The following B4GALT5 variants were observed in gnomAD, a reference collection of about 807,000 sequenced individuals.
The protein encoded by B4GALT5 is beta-1,4-galactosyltransferase 5.
Under a neutral mutation model 45.0 loss-of-function variants are expected in B4GALT5, and 11 were observed. The ratio of observed to expected loss-of-function variants is 0.24; its 90% CI spans 0.15 to 0.40. The LOEUF (loss-of-function observed/expected upper bound fraction) is 0.40. B4GALT5 is among the 10% of genes least tolerant of loss of function. The pLI, the probability that B4GALT5 is intolerant of heterozygous loss-of-function variation, is 1.00. For synonymous variants in B4GALT5, 185 were observed against 182.9 expected (o/e 1.01, Z -0.09); for missense variants, 337 against 500.2 (o/e 0.67, Z 3.11).
intron 1 of B4GALT5, among the ~76,000 whole-genome samples, chr20:49,701,672 C>T (rs2085862649): frequency 6.6e-6 from 1 of 152,108 alleles, no homozygotes; most frequent in South Asian, 2.1e-4. Context: ...ACAAAAAAAA[C>T]ACCCACAATA....
At chr20:49,651,881 C>A (rs1364292151) in intron 2 of B4GALT5, among the ~76,000 whole-genome samples, 1 of 152,130 alleles carries the variant, frequency 6.6e-6, no homozygotes, top group African/African-American at 2.4e-5. Flanking sequence ...GAGTTTCAGA[C>A]CAGCCTGGGC....
intron 1 of B4GALT5, among the ~76,000 whole-genome samples, chr20:49,660,107 TCTTCATCATCACAA>T (rs1288204513): frequency 3.3e-5 from 5 of 152,264 alleles, no homozygotes; most frequent in Middle Eastern, 6.8e-3. Context: ...CAACTTCACA[TCTTCATCATCACAA>T]CTTCATCATC....
At position 49,636,128 on chromosome 20, in the gene B4GALT5, A is replaced by T; in HGVS notation, c.*184T>A. On this transcript the variant is annotated 3_prime_UTR_variant, in exon 9 of 9. Coordinates refer to ENST00000371711, the MANE Select transcript of B4GALT5 (RefSeq NM_004776.4). ...TCCCCAAGCTCACTCCCTCAGTTCC[A>T]GCGGCTGATCCAGTGAAGGCGTTTG... 2 of 721,404 alleles carry T rather than the reference A, an allele frequency of 2.8e-6. No homozygotes were observed. Among genetic ancestry groups the T allele is most frequent in the Non-Finnish European group, 4.5e-6 (2 of 448,760 alleles). 44.7% of individuals were successfully genotyped at this position (721,404 alleles called of 1,614,324 possible). A position where few individuals can be genotyped will look rare whatever the true frequency, so the allele number is the denominator to read the frequency against.
intron 1 of B4GALT5, among the ~76,000 whole-genome samples, chr20:49,705,501 A>C (rs984160593): frequency 1.3e-5 from 2 of 152,156 alleles, no homozygotes; most frequent in African/African-American, 4.8e-5. Flanking sequence ...AAGCAATGGC[A>C]CTGCACAGTG....
chr20:49,703,399 A>G (rs2085870908), intron 1 of B4GALT5, among the ~76,000 whole-genome samples: 1 of 152,132 alleles, frequency 6.6e-6, no homozygotes, highest in East Asian at 1.9e-4. Context: ...AACGACCAAG[A>G]GGCTGGTCTG....
At chr20:49,668,250 A>G (rs1353790205) in intron 1 of B4GALT5, among the ~76,000 whole-genome samples, 1 of 152,158 alleles carries the variant, frequency 6.6e-6, no homozygotes, top group Non-Finnish European at 1.5e-5. Flanking sequence ...AGTGGTAAAA[A>G]TTAACAGCTA....
At chr20:49,638,193 T>A (rs1374598564) in intron 7 of B4GALT5, among the ~76,000 whole-genome samples, 2 of 152,120 alleles carry the variant, frequency 1.3e-5, no homozygotes, top group South Asian at 2.1e-4. Context: ...TAATTTTTTT[T>A]ATTTTTTGTA....
chr20:49,710,593 T>C (rs1436872556), intron 1 of B4GALT5, among the ~76,000 whole-genome samples: 2 of 152,036 alleles, frequency 1.3e-5, no homozygotes, highest in Non-Finnish European at 2.9e-5. Context: ...CTAATTTTTG[T>C]ATTTTTAGTA....
intron 1 of B4GALT5, among the ~76,000 whole-genome samples, chr20:49,704,502 G>A (rs2085875782): frequency 6.6e-6 from 1 of 151,760 alleles, no homozygotes; most frequent in African/African-American, 2.4e-5. Flanking sequence ...GGCGGATCAC[G>A]AGGTCAGGAG....
intron 1 of B4GALT5, among the ~76,000 whole-genome samples, chr20:49,707,328 T>C (rs2085888449): frequency 6.6e-6 from 1 of 151,868 alleles, no homozygotes; most frequent in South Asian, 2.1e-4. Flanking sequence ...GGGACAACAC[T>C]ATACTCAAAT....
At chr20:49,656,956 T>A (rs1279676809) in intron 1 of B4GALT5, among the ~76,000 whole-genome samples, 1 of 152,078 alleles carries the variant, frequency 6.6e-6, no homozygotes, top group Non-Finnish European at 1.5e-5. Flanking sequence ...TAAAAAAAAA[T>A]ATATTCCATC....
In B4GALT5 at chr20:49,636,009, C is replaced by T. The variant is rs549516852; in HGVS notation, c.*303G>A. On this transcript the variant is annotated 3_prime_UTR_variant, in exon 9 of 9. Coordinates refer to ENST00000371711, the MANE Select transcript of B4GALT5 (RefSeq NM_004776.4). ...AGTTCATCATGGGTTCTGGAGACTG[C>T]GGCTAAGACAGGATGTGGGGTAGGA... 20 of 353,066 alleles carry T rather than the reference C, an allele frequency of 5.7e-5. No homozygotes were observed. The highest frequency in any genetic ancestry group is 2.9e-4 in the African/African-American group (14 of 47,484). 21.9% of individuals were successfully genotyped at this position (353,066 alleles called of 1,614,324 possible).
chr20:49,646,380 C>T (rs1255970313), intron 3 of B4GALT5, among the ~76,000 whole-genome samples: 2 of 152,016 alleles, frequency 1.3e-5, no homozygotes, highest in South Asian at 2.1e-4. Context: ...CTGCAGGCTC[C>T]GTTCATGGTA....
chr20:49,650,917 TTTTACTTTTTAA>T (rs1157335318), intron 2 of B4GALT5, among the ~76,000 whole-genome samples: 3 of 152,112 alleles, frequency 2.0e-5, no homozygotes, highest in Non-Finnish European at 4.4e-5. Context: ...ACAGCCACAG[TTTTACTTTTTAA>T]TTTAAATCTA....
chr20:49,689,846 C>T (rs1306172683), intron 1 of B4GALT5, among the ~76,000 whole-genome samples: 2 of 152,170 alleles, frequency 1.3e-5, no homozygotes, highest in African/African-American at 4.8e-5. Flanking sequence ...CCTTTCCAGT[C>T]AATCCCTACC....
At chr20:49,653,210 C>T (rs2085629198) in intron 2 of B4GALT5, among the ~76,000 whole-genome samples, 1 of 152,094 alleles carries the variant, frequency 6.6e-6, no homozygotes, top group African/African-American at 2.4e-5. Flanking sequence ...TGCAATGCTC[C>T]ATTGAGTATT....
intron 2 of B4GALT5, among the ~76,000 whole-genome samples, chr20:49,653,418 C>A (rs2085630177): frequency 6.6e-6 from 1 of 152,236 alleles, no homozygotes; most frequent in Admixed American, 6.5e-5. Flanking sequence ...TTGTTAAATT[C>A]ATTCCTTCAT....
At chr20:49,640,132 C>G (rs1438024488) in intron 6 of B4GALT5, among the ~76,000 whole-genome samples, 7 of 152,136 alleles carry the variant, frequency 4.6e-5, no homozygotes, top group Non-Finnish European at 8.8e-5. Context: ...GCAATCACCC[C>G]CTGCTCCTCC....
rs1306351750 is a variant in B4GALT5, at chr20:49,663,681, A to AAAAAG, written c.116-6980_116-6979insCTTTT. 4.3e-3 allele frequency among the ~76,000 whole-genome samples: 364 copies of AAAAAG among 84,948 alleles called. 34 individuals are homozygous for AAAAAG. The highest frequency in any genetic ancestry group is 0.015 in the African/African-American group (295 of 19,580). 55.7% of individuals were successfully genotyped at this position (84,948 alleles called of 152,430 possible). On this transcript the variant is annotated intron_variant, in intron 1 of 8. Transcript: ENST00000371711. ...TAGTGAGAATTCATCTCAAGAAAAA[A>AAAAAG]AAAAAAAAAATATATACATATATAT...
Sources: gnomAD v4.1 joint callset for allele counts (sites outside exome capture counted in the v4.1 genomes callset) on GRCh38, gnomAD v4.1.1 for gene constraint, MANE v1.5 for transcripts, NCBI Gene and HGNC (gene_info 2026-07-23, HGNC 2026-07-21) for gene names.